The following DLGAP1 variants were observed in gnomAD, a reference collection of about 807,000 sequenced individuals.
DLGAP1 encodes the protein DLG associated protein 1.
Under a neutral mutation model 90.8 loss-of-function variants are expected in DLGAP1, and 11 were observed. That is an observed-to-expected ratio of 0.12 (90% CI 0.08 to 0.20). DLGAP1 has a LOEUF of 0.20. Among genes scored for constraint, DLGAP1 ranks in the 10% least tolerant of loss-of-function variants. The pLI, the probability that DLGAP1 is intolerant of heterozygous loss-of-function variation, is 1.00. For synonymous variants in DLGAP1, 558 were observed against 540.7 expected (o/e 1.03, Z -0.44); for missense variants, 1,050 against 1,333.8 (o/e 0.79, Z 3.31).
chr18:4,075,490 C>T (rs909949841), intron 2 of DLGAP1, among the ~76,000 whole-genome samples: 2 of 152,066 alleles, frequency 1.3e-5, no homozygotes, highest in East Asian at 3.9e-4. Context: ...TTGAAAGCAC[C>T]CATATTTCCC....
intron 7 of DLGAP1, among the ~76,000 whole-genome samples, chr18:3,719,802 T>C (rs1229104363): frequency 1.3e-5 from 2 of 152,194 alleles, no homozygotes; most frequent in Admixed American, 6.5e-5. Context: ...CAAAGTATCA[T>C]TGTGATTCTC....
intron 4 of DLGAP1, among the ~76,000 whole-genome samples, chr18:3,854,144 G>A (rs910225582): frequency 2.0e-5 from 3 of 152,078 alleles, no homozygotes; most frequent in Middle Eastern, 6.3e-3. Context: ...AAAGTAATAT[G>A]CTTTTAAATA....
At chr18:4,303,774 T>C (rs2080184368) in intron 1 of DLGAP1, among the ~76,000 whole-genome samples, 1 of 152,164 alleles carries the variant, frequency 6.6e-6, no homozygotes, top group Admixed American at 6.5e-5. Flanking sequence ...ACTAGAGAAA[T>C]GGTTCTTAAT....
chr18:4,224,995 A>AC (rs977757505), intron 1 of DLGAP1, among the ~76,000 whole-genome samples: 12 of 150,606 alleles, frequency 8.0e-5, no homozygotes, highest in Admixed American at 4.0e-4. Flanking sequence ...ACACACTCAC[A>AC]CCCCCCCACA....
intron 9 of DLGAP1, among the ~76,000 whole-genome samples, chr18:3,559,928 A>G (rs1396884593): frequency 6.6e-6 from 1 of 151,860 alleles, no homozygotes; most frequent in African/African-American, 2.4e-5. Flanking sequence ...GCCCCAATCC[A>G]CTTTCATATA....
Position 4,067,349 on chromosome 18 carries a change from G to A in DLGAP1, c.-158-62148C>T, listed in dbSNP as rs57637234. 7.7e-4 allele frequency among the ~76,000 whole-genome samples: 117 copies of A among 152,004 alleles called. 1 individual carries two copies. Among genetic ancestry groups the A allele is most frequent in the African/African-American group, 2.6e-3 (109 of 41,506 alleles). On this transcript the variant is annotated intron_variant, in intron 2 of 12. Coordinates refer to ENST00000315677, the MANE Select transcript of DLGAP1 (RefSeq NM_004746.4). ...AAATAAAAGTAAAAAAGAAAGAAAGGAAGGGAGGAAAGGAGGGAGGGAGGA... is the reference window on the plus strand; with the variant it reads ...AAATAAAAGTAAAAAAGAAAGAAAGAAAGGGAGGAAAGGAGGGAGGGAGGA...
At chr18:3,507,771 C>T (rs1386299838) in intron 11 of DLGAP1, among the ~76,000 whole-genome samples, 2 of 113,710 alleles carry the variant, frequency 1.8e-5, no homozygotes, top group Non-Finnish European at 3.3e-5. Flanking sequence ...GATGAAGTCT[C>T]ACTCTGTCCC....
At chr18:3,573,464 C>T (rs948975234) in intron 8 of DLGAP1, among the ~76,000 whole-genome samples, 9 of 152,150 alleles carry the variant, frequency 5.9e-5, no homozygotes, top group Middle Eastern at 3.4e-3. Flanking sequence ...ATCATACCAC[C>T]GCACTCCAGC....
chr18:3,915,894 G>C (rs965891485), intron 3 of DLGAP1, among the ~76,000 whole-genome samples: 16 of 152,130 alleles, frequency 1.1e-4, no homozygotes, highest in African/African-American at 3.4e-4. Context: ...TTAGACCTTA[G>C]ATAGATGGTA....
rs867576377 is a variant in DLGAP1 at position 4,269,243 on chromosome 18, A to G, written c.-266-117956T>C. Among the ~76,000 whole-genome samples, 47 of 150,736 alleles carry G rather than the reference A, an allele frequency of 3.1e-4. 1 individual carries two copies. Among genetic ancestry groups the G allele is most frequent in the African/African-American group, 1.1e-3 (46 of 41,270 alleles). The stretch of plus-strand genomic sequence containing the variant: ...TAATTTTCATGTAATATTGACTACA[A>G]TGTTGACTCCCTGAAAGTATAAATA... On this transcript the variant is annotated intron_variant, in intron 1 of 12. Transcript: ENST00000315677.
At chr18:3,555,282 A>T (rs933007961) in intron 9 of DLGAP1, among the ~76,000 whole-genome samples, 1 of 152,208 alleles carries the variant, frequency 6.6e-6, no homozygotes, top group African/African-American at 2.4e-5. Context: ...CTATAAAGTG[A>T]CCTTTGAAGA....
chr18:4,322,534 T>C (rs1287541506), intron 1 of DLGAP1, among the ~76,000 whole-genome samples: 1 of 152,110 alleles, frequency 6.6e-6, no homozygotes, highest in Non-Finnish European at 1.5e-5. Flanking sequence ...CCTGAAATTG[T>C]AGAACTGCTA....
chr18:3,664,671 C>A (rs80236756), intron 7 of DLGAP1, among the ~76,000 whole-genome samples: 2 of 152,124 alleles, frequency 1.3e-5, no homozygotes, highest in Non-Finnish European at 2.9e-5. Context: ...TCTTTCAGCG[C>A]AGTTATCTCT....
chr18:3,523,804 C>T (rs567923828), intron 10 of DLGAP1, among the ~76,000 whole-genome samples: 20 of 150,088 alleles, frequency 1.3e-4, no homozygotes, highest in South Asian at 6.3e-4. Context: ...GCTGAGATAG[C>T]GCCACTGCAC....
intron 7 of DLGAP1, among the ~76,000 whole-genome samples, chr18:3,636,856 C>G (rs1310397746): frequency 2.0e-5 from 3 of 150,764 alleles, no homozygotes; most frequent in Non-Finnish European, 2.9e-5. Context: ...TCTCAAGCAG[C>G]TGGGACTACA....
At chr18:4,384,641 C>A (rs2082195292) in intron 1 of DLGAP1, among the ~76,000 whole-genome samples, 1 of 151,990 alleles carries the variant, frequency 6.6e-6, no homozygotes, top group African/African-American at 2.4e-5. Context: ...GCTGAATTTA[C>A]CCTATCCTCA....
At chr18:3,515,468 CAAA>C (rs55870741) in intron 10 of DLGAP1, among the ~76,000 whole-genome samples, 2 of 72,582 alleles carry the variant, frequency 2.8e-5, no homozygotes, top group Admixed American at 1.8e-4. Flanking sequence ...GATTCCATCT[CAAA>C]AAAAAAAAAA....
Position 3,499,023 on chromosome 18 carries a change from G to T in DLGAP1, c.*162C>A, listed in dbSNP as rs2049789171. The T allele has an allele frequency of 6.4e-6, 4 of 622,000 alleles. No individual in the cohort carries two copies. The highest frequency in any genetic ancestry group is 1.1e-5 in the Non-Finnish European group (4 of 373,700). 38.5% of individuals were successfully genotyped at this position (622,000 alleles called of 1,614,324 possible). Reference sequence around the variant, plus strand: ...GTACGGGAAGTGGGGGGCTGAGGGGGGCCCGGGGGGCGGCTCCTGCGAGGT... The same window carrying T: ...GTACGGGAAGTGGGGGGCTGAGGGGTGCCCGGGGGGCGGCTCCTGCGAGGT... On this transcript the variant is annotated 3_prime_UTR_variant, in exon 13 of 13. Coordinates refer to ENST00000315677, the MANE Select transcript of DLGAP1 (RefSeq NM_004746.4). The surrounding 1 kb of genome is among the most constrained non-coding windows in gnomAD (Gnocchi z 6.4).
chr18:4,132,273 CCTGA>C (rs1389140249), intron 2 of DLGAP1, among the ~76,000 whole-genome samples: 1 of 152,006 alleles, frequency 6.6e-6, no homozygotes, highest in African/African-American at 2.4e-5. Context: ...TAGTGAAGAC[CCTGA>C]CTAAGCACTC....
Sources: gnomAD v4.1 joint callset for allele counts (sites outside exome capture counted in the v4.1 genomes callset) on GRCh38, gnomAD v4.1.1 for gene constraint, Gnocchi (gnomAD v3.1) non-coding constraint, MANE v1.5 for transcripts, NCBI Gene and HGNC (gene_info 2026-07-23, HGNC 2026-07-21) for gene names.